Variants in NELL1 observed in about 807,000 individuals in gnomAD.
NELL1 encodes protein kinase C-binding protein NELL1.
Under a neutral mutation model 107.4 loss-of-function variants are expected in NELL1, and 76 were observed. The observed-to-expected ratio is 0.71, with a 90% CI of 0.59 to 0.86. The LOEUF (loss-of-function observed/expected upper bound fraction) is 0.86. NELL1 is among the 40% of genes least tolerant of loss of function. The pLI, the probability that NELL1 is intolerant of heterozygous loss-of-function variation, is 0.00. For synonymous variants in NELL1, 353 were observed against 341.2 expected, an observed-to-expected ratio of 1.03 and a Z score of -0.38; for missense variants, 1,024 against 1,005.5, an observed-to-expected ratio of 1.02 and a Z score of -0.25.
intron 3 of NELL1, 129 bp downstream of exon 3, chr11:20,783,959 A>T: frequency 1.2e-6 from 1 of 809,298 alleles, no homozygotes; most frequent in Non-Finnish European, 1.7e-6. Flanking sequence ...TGTTGAACAC[A>T]TTCATGAATT....
At chr11:21,289,678 GAA>G (rs1849206584) in intron 14 of NELL1, among the ~76,000 whole-genome samples, 1 of 152,166 alleles carries the variant, frequency 6.6e-6, no homozygotes, top group African/African-American at 2.4e-5. Flanking sequence ...CACTCTCCTG[GAA>G]AAGGCTGAAG....
intron 3 of NELL1, among the ~76,000 whole-genome samples, chr11:20,803,727 C>T (rs932132584): frequency 4.7e-4 from 72 of 152,008 alleles, no homozygotes; most frequent in Non-Finnish European, 9.6e-4. Flanking sequence ...TTGAAAGATT[C>T]AAAGTATTGA....
chr11:20,965,635 T>G (rs1191696452), intron 12 of NELL1, among the ~76,000 whole-genome samples: 1 of 152,200 alleles, frequency 6.6e-6, no homozygotes, highest in African/African-American at 2.4e-5. Context: ...AAAAATGACC[T>G]GAATTGGTAT....
chr11:21,271,391 A>G (rs1848736512), intron 14 of NELL1, among the ~76,000 whole-genome samples: 1 of 152,172 alleles, frequency 6.6e-6, no homozygotes, highest in Non-Finnish European at 1.5e-5. Context: ...ACCTATGTAA[A>G]ATGAACCAAT....
intron 4 of NELL1, among the ~76,000 whole-genome samples, chr11:20,862,005 T>C (rs565632880): frequency 2.0e-4 from 30 of 152,328 alleles, no homozygotes; most frequent in African/African-American, 6.7e-4. Context: ...AATGTTTACT[T>C]TAGAAGTTTA....
chr11:21,141,017 G>A (rs530741493), intron 13 of NELL1, among the ~76,000 whole-genome samples: 1 of 152,300 alleles, frequency 6.6e-6, no homozygotes, highest in Admixed American at 6.5e-5. Flanking sequence ...CTGTGTCCCA[G>A]TATAGCAAGA....
intron 13 of NELL1, among the ~76,000 whole-genome samples, chr11:21,114,106 T>G (rs915366759): frequency 2.0e-5 from 3 of 152,032 alleles, no homozygotes; most frequent in Non-Finnish European, 4.4e-5. Context: ...AGACAAGGAT[T>G]AAATTTAAAG....
At chr11:21,532,007 A>G (rs1322723460) in intron 15 of NELL1, among the ~76,000 whole-genome samples, 2 of 152,200 alleles carry the variant, frequency 1.3e-5, no homozygotes, top group East Asian at 3.8e-4. Context: ...CAAGTACAAT[A>G]TGGTACATAA....
chr11:20,738,333 C>G (rs1855809751), intron 2 of NELL1, among the ~76,000 whole-genome samples: 1 of 152,072 alleles, frequency 6.6e-6, no homozygotes, highest in Non-Finnish European at 1.5e-5. Context: ...TGCTGAGGGA[C>G]TGAGTGGATG....
intron 2 of NELL1, among the ~76,000 whole-genome samples, chr11:20,725,534 A>C (rs1855489997): frequency 6.6e-6 from 1 of 152,222 alleles, no homozygotes; most frequent in Non-Finnish European, 1.5e-5. Flanking sequence ...TCTGGCTTGA[A>C]AGCAAAGAAA....
At chr11:21,441,238 T>C (rs561262572) in intron 15 of NELL1, among the ~76,000 whole-genome samples, 1 of 152,096 alleles carries the variant, frequency 6.6e-6, no homozygotes, top group African/African-American at 2.4e-5. Flanking sequence ...TTTGCCTTTT[T>C]AAAAAGTGTC....
chr11:20,700,819 C>T (rs1222924878), intron 2 of NELL1, among the ~76,000 whole-genome samples: 3 of 149,362 alleles, frequency 2.0e-5, no homozygotes, highest in Non-Finnish European at 4.5e-5. Flanking sequence ...TCATCCATGT[C>T]CCTACAAAGG....
chr11:20,790,693 A>G (rs1024808875), intron 3 of NELL1, among the ~76,000 whole-genome samples: 1 of 151,832 alleles, frequency 6.6e-6, no homozygotes, highest in African/African-American at 2.4e-5. Context: ...TGCAGCCATG[A>G]CTTGGGCCCT....
At chr11:20,928,761 C>A (rs184058603) in intron 9 of NELL1, among the ~76,000 whole-genome samples, 1 of 152,006 alleles carries the variant, frequency 6.6e-6, no homozygotes, top group African/African-American at 2.4e-5. Flanking sequence ...GGGATTAAGT[C>A]ACTTGTCCAA....
intron 4 of NELL1, among the ~76,000 whole-genome samples, chr11:20,865,028 T>C (rs1400834480): frequency 6.6e-6 from 1 of 152,194 alleles, no homozygotes. Flanking sequence ...GATATTTTTA[T>C]TTTCCTGCCC....
intron 7 of NELL1, among the ~76,000 whole-genome samples, chr11:20,919,953 G>T (rs536162737): frequency 1.3e-5 from 2 of 152,136 alleles, no homozygotes; most frequent in African/African-American, 4.8e-5. Context: ...ACTGTGTTAG[G>T]CACAAAGAGG....
chr11:21,053,517 A>T (rs903782911), intron 12 of NELL1, among the ~76,000 whole-genome samples: 2 of 152,194 alleles, frequency 1.3e-5, no homozygotes, highest in Admixed American at 1.3e-4. Flanking sequence ...AGCCTTGAAG[A>T]CTTCAGGGCA....
chr11:20,732,730 CAGAG>C (rs1855675524), intron 2 of NELL1, among the ~76,000 whole-genome samples: 2 of 152,128 alleles, frequency 1.3e-5, no homozygotes, highest in African/African-American at 2.4e-5. Context: ...TGTGGCAAGA[CAGAG>C]AGAAAATCCT....
Position 21,275,488 on chromosome 11 carries a change from C to T in NELL1, c.1549+46034C>T, listed in dbSNP as rs184883545. On this transcript the variant is annotated intron_variant, in intron 14 of 19. Transcript: ENST00000357134. ...CCAGAGGTACAAGGAGGAGCTGGTA[C>T]CATTCCTTCTGAAACTGTTCCAATC... Among the ~76,000 whole-genome samples the T allele has an allele frequency of 9.7e-3, 1,478 of 152,254 alleles. 10 individuals carry two copies. Among genetic ancestry groups the T allele is most frequent in the Middle Eastern group, 0.034 (10 of 294 alleles).
Sources: allele counts gnomAD v4.1 joint callset (sites outside exome capture counted in the v4.1 genomes callset), GRCh38; gene constraint gnomAD v4.1.1; transcripts MANE v1.5; gene names NCBI Gene and HGNC (gene_info 2026-07-23, HGNC 2026-07-21).